The following NDRG3 variants were observed in gnomAD, a reference collection of about 807,000 sequenced individuals.
The protein encoded by NDRG3 is NDRG family member 3.
In NDRG3, 23 loss-of-function variants were observed where a neutral mutation model predicts 57.2. The observed-to-expected ratio is 0.40, with a 90% CI of 0.29 to 0.57. The LOEUF (loss-of-function observed/expected upper bound fraction) is 0.57, where lower values mean the gene tolerates loss of function less well. Ranked by LOEUF, NDRG3 falls within the 20% of genes least tolerant of loss-of-function variation. NDRG3 has a pLI of 0.42. For missense variants in NDRG3, 384 were observed against 457.3 expected (o/e 0.84, Z 1.46); for synonymous variants, 132 against 162.6 (o/e 0.81, Z 1.43).
chr20:36,666,456 G>C (rs1213048871), intron 9 of NDRG3, 64 bp from the exon 10 acceptor site: 1 of 1,302,366 alleles, frequency 7.7e-7, no homozygotes, highest in African/African-American at 1.5e-5. Flanking sequence ...ATCTTGTTTG[G>C]TTTGCATTTT....
At chr20:36,744,126 T>C (rs1986066117) in intron 1 of NDRG3, among the ~76,000 whole-genome samples, 1 of 151,770 alleles carries the variant, frequency 6.6e-6, no homozygotes, top group African/African-American at 2.4e-5. Context: ...ATGGTCTCCA[T>C]CTCCCGAACT....
intron 8 of NDRG3, among the ~76,000 whole-genome samples, chr20:36,675,384 T>C (rs1420797446): frequency 7.3e-6 from 1 of 137,684 alleles, no homozygotes; most frequent in Non-Finnish European, 1.5e-5. Flanking sequence ...TTTTAAGTTG[T>C]TTTTTTTTGG....
chr20:36,719,121 A>C (rs1163684837), intron 2 of NDRG3, among the ~76,000 whole-genome samples: 1 of 152,100 alleles, frequency 6.6e-6, no homozygotes, highest in Non-Finnish European at 1.5e-5. Flanking sequence ...AGGAGAAACC[A>C]AATGGAGGTT....
rs560835515 is a variant in NDRG3 at position 36,711,855 on chromosome 20, C to CT, written c.58-4849dup. Among the ~76,000 whole-genome samples the CT allele has an allele frequency of 6.2e-4, 94 of 152,326 alleles. 1 individual carries two copies. The East Asian group carries it at 0.018, about 29-fold the overall frequency. ...GTTGCAGTGGCACGATCTTGGCTCACTGCAAGCTCCGCCTCCTGGGTTCAC... is the reference window on the plus strand; with the variant it reads ...GTTGCAGTGGCACGATCTTGGCTCACTTGCAAGCTCCGCCTCCTGGGTTCAC... On this transcript the variant is annotated intron_variant, in intron 2 of 15. Coordinates refer to ENST00000349004, the MANE Select transcript of NDRG3 (RefSeq NM_032013.4).
intron 5 of NDRG3, 135 bp downstream of exon 5, chr20:36,687,357 A>C: frequency 9.1e-7 from 1 of 1,098,476 alleles, no homozygotes; most frequent in Non-Finnish European, 1.3e-6. Context: ...AGAAAATATG[A>C]GGATGGTTGG....
rs992013750 is a variant in NDRG3 at position 36,679,101 on chromosome 20, C to T, written c.531+1715G>A. Among the ~76,000 whole-genome samples, 18 of 152,114 alleles carry T rather than the reference C, an allele frequency of 1.2e-4. 1 individual carries two copies. Among genetic ancestry groups the T allele is most frequent in the Admixed American group, 6.5e-5 (1 of 15,274 alleles). Reference sequence around the variant, plus strand: ...GAGTAGCTGGGATTACAGATGTGTACCATCATGCCCCACACCCCAGCTAAT... The same window carrying T: ...GAGTAGCTGGGATTACAGATGTGTATCATCATGCCCCACACCCCAGCTAAT... On this transcript the variant is annotated intron_variant, in intron 8 of 15. Coordinates refer to ENST00000349004, the MANE Select transcript of NDRG3 (RefSeq NM_032013.4).
chr20:36,740,726 GC>G (rs1283281616), intron 1 of NDRG3, among the ~76,000 whole-genome samples: 1 of 152,114 alleles, frequency 6.6e-6, no homozygotes, highest in African/African-American at 2.4e-5. Flanking sequence ...TGGACTACTA[GC>G]CCTTTCACTG....
At chr20:36,671,073 C>T (rs571546149) in intron 9 of NDRG3, among the ~76,000 whole-genome samples, 10 of 152,220 alleles carry the variant, frequency 6.6e-5, no homozygotes, top group Admixed American at 2.0e-4. Context: ...TGGGGAGGCA[C>T]GTGATGTCAA....
At chr20:36,727,837 G>T (rs1460744274) in intron 1 of NDRG3, among the ~76,000 whole-genome samples, 1 of 151,690 alleles carries the variant, frequency 6.6e-6, no homozygotes, top group African/African-American at 2.4e-5. Context: ...CACCGTGCCC[G>T]GCCTATTTCT....
At chr20:36,663,773 G>C (rs1346994096) in intron 12 of NDRG3, among the ~76,000 whole-genome samples, 1 of 152,132 alleles carries the variant, frequency 6.6e-6, no homozygotes, top group African/African-American at 2.4e-5. Context: ...AAGATTCAAA[G>C]ATTTCCTAAG....
chr20:36,731,074 A>G (rs747183261), intron 1 of NDRG3, among the ~76,000 whole-genome samples: 3 of 152,202 alleles, frequency 2.0e-5, no homozygotes, highest in Non-Finnish European at 2.9e-5. Context: ...AGAAAAAGTA[A>G]CAGAGAAACT....
intron 1 of NDRG3, among the ~76,000 whole-genome samples, chr20:36,732,758 G>T (rs186759452): frequency 8.5e-5 from 13 of 152,186 alleles, no homozygotes; most frequent in African/African-American, 3.1e-4. Context: ...GGGTACACTT[G>T]GCCTGACCCT....
At chr20:36,664,145 G>C (rs1010585424) in intron 12 of NDRG3, among the ~76,000 whole-genome samples, 27 of 152,062 alleles carry the variant, frequency 1.8e-4, no homozygotes, top group Non-Finnish European at 3.2e-4. Flanking sequence ...ATTAATATGA[G>C]AACAAAGTTA....
rs1984607701 is a variant in NDRG3 at position 36,721,756 on chromosome 20, G to C, written c.-21C>G. 6.4e-7 allele frequency: 1 copy of C among 1,572,966 alleles called. No homozygotes were observed. Among genetic ancestry groups the C allele is most frequent in the Non-Finnish European group, 8.7e-7 (1 of 1,146,462 alleles). ...TCCATGAGGTCAGATAACGAGAGTA[G>C]AGGAATCTCAAGAATAAATCAGTAA... On this transcript the variant is annotated 5_prime_UTR_variant, in exon 2 of 16. Transcript: ENST00000349004.
rs539408009 is a variant in NDRG3, at chr20:36,692,369, G to A, written c.94-3585C>T. 2.6e-5 allele frequency among the ~76,000 whole-genome samples: 4 copies of A among 152,198 alleles called. No homozygotes were observed. The South Asian group carries it at 8.3e-4, about 32-fold the overall frequency. On this transcript the variant is annotated intron_variant, in intron 3 of 15. Transcript: ENST00000349004. ...CTCCCAAGTAGCTGGGACTACAGGTGTGCACCACCAAGCCCCACTAATTTT... is the reference window on the plus strand; with the variant it reads ...CTCCCAAGTAGCTGGGACTACAGGTATGCACCACCAAGCCCCACTAATTTT...
intron 2 of NDRG3, among the ~76,000 whole-genome samples, chr20:36,718,707 G>A (rs1027054490): frequency 6.6e-6 from 1 of 152,086 alleles, no homozygotes; most frequent in Admixed American, 6.6e-5. Flanking sequence ...CTGAGACAGG[G>A]TCTCACTCTG....
At chr20:36,676,712 C>T (rs934715846) in intron 8 of NDRG3, among the ~76,000 whole-genome samples, 1 of 152,262 alleles carries the variant, frequency 6.6e-6, no homozygotes, top group Non-Finnish European at 1.5e-5. Context: ...ATCCACTCAC[C>T]TCCGCCTCCC....
intron 2 of NDRG3, among the ~76,000 whole-genome samples, chr20:36,719,601 GA>G (rs1218249593): frequency 1.3e-5 from 2 of 152,034 alleles, no homozygotes; most frequent in Non-Finnish European, 2.9e-5. Context: ...GGCTGCAGGT[GA>G]AGGGCCTTGC....
intron 4 of NDRG3, 86 bp from the exon 5 acceptor site, chr20:36,687,698 C>G: frequency 6.9e-7 from 1 of 1,444,294 alleles, no homozygotes; most frequent in Non-Finnish European, 9.3e-7. Flanking sequence ...TTATCACCTT[C>G]TTTCCCTGCT....
Sources: gnomAD v4.1 joint callset for allele counts (sites outside exome capture counted in the v4.1 genomes callset) on GRCh38, gnomAD v4.1.1 for gene constraint, MANE v1.5 for transcripts, NCBI Gene and HGNC (gene_info 2026-07-23, HGNC 2026-07-21) for gene names.